BFSP1: variants seen among roughly 807,000 people sequenced by gnomAD.
BFSP1 encodes beaded filament structural protein 1, also known as filensin.
A neutral mutation model predicts 43.9 loss-of-function variants in BFSP1; 38 were observed. The ratio of observed to expected loss-of-function variants is 0.87; its 90% CI spans 0.67 to 1.14. The LOEUF is 1.14. BFSP1 is among the 50% of genes most tolerant of loss of function. The pLI is 0.00. For synonymous variants in BFSP1, 352 were observed against 354.8 expected (o/e 0.99, Z 0.09); for missense variants, 850 against 875.1 (o/e 0.97, Z 0.36).
chr20:17,530,331 C>T (rs756824217), intron 1 of BFSP1, among the ~76,000 whole-genome samples: 15 of 152,354 alleles, frequency 9.8e-5, no homozygotes, highest in Admixed American at 5.2e-4. Flanking sequence ...GCCTTGCTGG[C>T]CAAATCCCTA....
At chr20:17,528,186 G>A (rs1445552395) in intron 1 of BFSP1, among the ~76,000 whole-genome samples, 6 of 152,210 alleles carry the variant, frequency 3.9e-5, no homozygotes, top group Admixed American at 3.3e-4. Context: ...ATGATTTTCA[G>A]TTCCCACTAC....
At chr20:17,545,186 C>G (rs1197900072) in intron 1 of BFSP1, among the ~76,000 whole-genome samples, 1 of 152,150 alleles carries the variant, frequency 6.6e-6, no homozygotes. Context: ...GACTGACTTT[C>G]CAAAAAGAGC....
intron 1 of BFSP1, among the ~76,000 whole-genome samples, chr20:17,557,313 G>A (rs2035008489): frequency 6.6e-6 from 1 of 152,192 alleles, no homozygotes; most frequent in Non-Finnish European, 1.5e-5. Flanking sequence ...CCCAGCAGCT[G>A]GGTCAAAGGG....
At chr20:17,509,459 C>G (rs2034023702) in intron 4 of BFSP1, among the ~76,000 whole-genome samples, 3 of 152,202 alleles carry the variant, frequency 2.0e-5, no homozygotes, top group Admixed American at 2.0e-4. Flanking sequence ...GCCAGGCCCA[C>G]AGCACAGCCA....
In BFSP1 at chr20:17,550,503, C is replaced by A. The variant is rs563012852; in HGVS notation, c.2+8185G>T. Among the ~76,000 whole-genome samples the A allele has an allele frequency of 4.4e-5, 6 of 137,582 alleles. 1 individual carries two copies. The highest frequency in any genetic ancestry group is 8.4e-5 in the African/African-American group (3 of 35,828). 90.3% of individuals were successfully genotyped at this position (137,582 alleles called of 152,430 possible). A position where few individuals can be genotyped will look rare whatever the true frequency, so the allele number is the denominator to read the frequency against. On this transcript the variant is annotated intron_variant, in intron 1 of 7. Transcript: ENST00000377868. ...TTTTGAGACGGAGTTTCACTCTTAT[C>A]TCCCAGGCTGGAGGGCAATGGCGTG...
In BFSP1 at chr20:17,525,094, T is replaced by C. The variant is rs1364501208; in HGVS notation, c.378-186A>G. Among the ~76,000 whole-genome samples, 2 of 152,024 alleles carry C rather than the reference T, an allele frequency of 1.3e-5. No individual in the cohort carries two copies. The highest frequency in any genetic ancestry group is 1.9e-4 in the East Asian group (1 of 5,158). ...TGACTGCCTCCCAATCAGAAAGTGG[T>C]ACCATTTGCACACCGCGTGGGGTAA... On this transcript the variant is annotated intron_variant, in intron 1 of 7. Coordinates refer to ENST00000377873, the MANE Select transcript of BFSP1 (RefSeq NM_001195.5). The surrounding 1 kb of genome is among the most constrained non-coding windows in gnomAD (Gnocchi z 4.2).
chr20:17,554,255 T>C (rs2034955447), intron 1 of BFSP1, among the ~76,000 whole-genome samples: 1 of 152,160 alleles, frequency 6.6e-6, no homozygotes, highest in African/African-American at 2.4e-5. Flanking sequence ...AGTCTTGCCT[T>C]ATATAACTTG....
Position 17,510,226 on chromosome 20 carries a change from G to A in BFSP1, c.628-1230C>T, listed in dbSNP as rs77001575. ...TGAGGCTGGACTGGACACTCTGCACGTCTCACAAGCCCAGACGATGCTGAT... is the reference window on the plus strand; with the variant it reads ...TGAGGCTGGACTGGACACTCTGCACATCTCACAAGCCCAGACGATGCTGAT... On this transcript the variant is annotated intron_variant, in intron 4 of 7. Coordinates refer to ENST00000377873, the MANE Select transcript of BFSP1 (RefSeq NM_001195.5). Among the ~76,000 whole-genome samples, 925 of 152,334 alleles carry A rather than the reference G, an allele frequency of 6.1e-3. 14 individuals are homozygous for A. The highest frequency in any genetic ancestry group is 0.021 in the African/African-American group (866 of 41,578).
chr20:17,510,130 C>T (rs2034042355), intron 4 of BFSP1, among the ~76,000 whole-genome samples: 1 of 152,214 alleles, frequency 6.6e-6, no homozygotes, highest in South Asian at 2.1e-4. Context: ...TCAATCGGTG[C>T]TTCTCTATCC....
chr20:17,522,352 C>A (rs1301318037), intron 2 of BFSP1, among the ~76,000 whole-genome samples: 1 of 152,194 alleles, frequency 6.6e-6, no homozygotes, highest in Non-Finnish European at 1.5e-5. Context: ...AACCTGCCCC[C>A]CCAATAACCA....
At chr20:17,519,919 C>T (rs1404835773) in intron 2 of BFSP1, among the ~76,000 whole-genome samples, 1 of 152,054 alleles carries the variant, frequency 6.6e-6, no homozygotes, top group Admixed American at 6.5e-5. Flanking sequence ...AATGTGTAGA[C>T]GCTTGTGTTT....
intron 5 of BFSP1, among the ~76,000 whole-genome samples, chr20:17,504,316 A>G (rs2033878965): frequency 6.6e-6 from 1 of 152,184 alleles, no homozygotes; most frequent in Non-Finnish European, 1.5e-5. Flanking sequence ...TTACAGCTCC[A>G]TAATTTAAAC....
intron 2 of BFSP1, 94 bp downstream of exon 2, chr20:17,524,754 T>A: frequency 7.2e-7 from 1 of 1,379,896 alleles, no homozygotes; most frequent in South Asian, 1.2e-5. Context: ...ACCGCCAAAG[T>A]AACACAAAGA....
At chr20:17,547,154 G>C (rs2034816042) in intron 1 of BFSP1, among the ~76,000 whole-genome samples, 2 of 151,866 alleles carry the variant, frequency 1.3e-5, no homozygotes, top group African/African-American at 4.8e-5. Flanking sequence ...GGGCAACATG[G>C]TAAGACTTTG....
intron 1 of BFSP1, among the ~76,000 whole-genome samples, chr20:17,551,775 G>T (rs1417421233): frequency 6.6e-6 from 1 of 152,120 alleles, no homozygotes; most frequent in Admixed American, 6.5e-5. Flanking sequence ...CTGAGGTCAG[G>T]AGTTCAAGAC....
chr20:17,507,272 GGTGTGTGTGTGT>G lies in BFSP1; in HGVS notation c.735+1605_735+1616del, dbSNP rs373485156. ...GCGAGCCATACACATCAGATAGGTA[GGTGTGTGTGTGT>G]GTGTGTGTGTGTGTGTGTGTGTATT... On this transcript the variant is annotated intron_variant, in intron 5 of 7. Transcript: ENST00000377873. The surrounding 1 kb of genome is among the most constrained non-coding windows in gnomAD (Gnocchi z 4.4). Among the ~76,000 whole-genome samples, 6 of 141,312 alleles carry G rather than the reference GGTGTGTGTGTGT, an allele frequency of 4.2e-5. No individual in the cohort carries two copies. The highest frequency in any genetic ancestry group is 3.6e-3 in the Middle Eastern group (1 of 276). 92.7% of individuals were successfully genotyped at this position (141,312 alleles called of 152,430 possible). A position where few individuals can be genotyped will look rare whatever the true frequency, so the allele number is the denominator to read the frequency against.
chr20:17,526,353 C>A (rs1484502157), intron 1 of BFSP1, among the ~76,000 whole-genome samples: 1 of 152,148 alleles, frequency 6.6e-6, no homozygotes, highest in Admixed American at 6.5e-5. Context: ...GCCCTGACAA[C>A]CACCATTGTA....
rs1166687115 is a variant in BFSP1 at position 17,494,818 on chromosome 20, T to G, written c.1254A>C (p.Glu418Asp). ...CCCCTTCTTGTGTCAGGGGACTTAC[T>G]TCTTTACTTTCTGATTCAAACTTAG... Reference protein sequence around the residue: ...SESKFESESKEVSPLTQEGAP... With the variant: ...SESKFESESKDVSPLTQEGAP... The change falls in exon 8 of 8, where the codon GAA becomes GAC. Residue 418 changes from glutamate to aspartate, a missense_variant. Physicochemically the swap from Glu to Asp is conservative, Grantham distance 45 (BLOSUM62 2). Coordinates refer to ENST00000377873, the MANE Select transcript of BFSP1 (RefSeq NM_001195.5). 1 of 1,614,226 alleles carries G rather than the reference T, an allele frequency of 6.2e-7. No homozygotes were observed. Among genetic ancestry groups the G allele is most frequent in the Non-Finnish European group, 8.5e-7 (1 of 1,180,042 alleles).
intron 1 of BFSP1, among the ~76,000 whole-genome samples, chr20:17,557,605 C>G (rs2035014492): frequency 6.6e-6 from 1 of 152,198 alleles, no homozygotes; most frequent in South Asian, 2.1e-4. Context: ...AGATTTGGTG[C>G]CTTCTTCCAG....
Sources: allele counts gnomAD v4.1 joint callset (sites outside exome capture counted in the v4.1 genomes callset), GRCh38; gene constraint gnomAD v4.1.1; non-coding constraint Gnocchi (gnomAD v3.1); transcripts MANE v1.5; gene names NCBI Gene and HGNC (gene_info 2026-07-23, HGNC 2026-07-21).